STPG2: variants seen among roughly 807,000 people sequenced by gnomAD.
The protein encoded by STPG2 is sperm-tail PG-rich repeat-containing protein 2.
STPG2 carries 56 observed loss-of-function variants against 54.2 expected under a neutral mutation model. The ratio of observed to expected loss-of-function variants is 1.03; its 90% CI spans 0.83 to 1.29. The LOEUF (loss-of-function observed/expected upper bound fraction) is 1.29. Among genes scored for constraint, STPG2 ranks in the 50% most tolerant of loss-of-function variants. The pLI, the probability that STPG2 is intolerant of heterozygous loss-of-function variation, is 0.00. For missense variants in STPG2, 596 were observed against 544.9 expected, an observed-to-expected ratio of 1.09 and a Z score of -0.93; for synonymous variants, 200 against 181.8, an observed-to-expected ratio of 1.10 and a Z score of -0.81.
intron 4 of STPG2, among the ~76,000 whole-genome samples, chr4:97,455,179 A>G (rs910732714): frequency 2.0e-5 from 3 of 152,222 alleles, no homozygotes; most frequent in African/African-American, 7.2e-5. Flanking sequence ...AAGAAAATCT[A>G]GATGACGTGT....
chr4:98,120,766 T>C (rs1353462200), intron 3 of STPG2, among the ~76,000 whole-genome samples: 1 of 152,200 alleles, frequency 6.6e-6, no homozygotes, highest in Non-Finnish European at 1.5e-5. Context: ...TGTTTTTTAT[T>C]GTAAATTTGG....
intron 4 of STPG2, among the ~76,000 whole-genome samples, chr4:97,495,347 C>A (rs1422783567): frequency 6.6e-6 from 1 of 151,292 alleles, no homozygotes; most frequent in African/African-American, 2.4e-5. Context: ...TATCTAAAAA[C>A]ACAAGACATC....
intron 4 of STPG2, among the ~76,000 whole-genome samples, chr4:97,527,053 G>T (rs886473962): frequency 6.6e-6 from 1 of 151,598 alleles, no homozygotes; most frequent in African/African-American, 2.4e-5. Flanking sequence ...AGAACGTGCA[G>T]CTTTGTTATA....
intron 4 of STPG2, chr4:97,489,762 T>C (rs1311925896): frequency 3.3e-5 from 5 of 151,622 alleles, no homozygotes; most frequent in African/African-American, 4.8e-5. Flanking sequence ...AATTCTCTTA[T>C]TTCCTTCAAA....
At chr4:97,578,129 G>A (rs1442182162) in intron 10 of STPG2, among the ~76,000 whole-genome samples, 2 of 134,326 alleles carry the variant, frequency 1.5e-5, no homozygotes, top group African/African-American at 5.7e-5. Flanking sequence ...TTGAGATGGA[G>A]TCTCTTATGC....
Position 97,843,938 on chromosome 4 carries a change from A to G in STPG2, c.1045-3006T>C, listed in dbSNP as rs190277443. ...CTTGGTCTGATTTCATACAAAATTC[A>G]GAATTTGTATGAAAAGGATTCAGAA... is the stretch of plus-strand genomic sequence containing the variant. On this transcript the variant is annotated intron_variant, in intron 8 of 10. Transcript: ENST00000295268. Among the ~76,000 whole-genome samples, 665 of 151,972 alleles carry G rather than the reference A, an allele frequency of 4.4e-3. 3 individuals are homozygous for G. The highest frequency in any genetic ancestry group is 0.024 in the South Asian group (117 of 4,824).
chr4:97,454,779 AGAT>A (rs1200628996), intron 4 of STPG2, among the ~76,000 whole-genome samples: 3 of 152,042 alleles, frequency 2.0e-5, no homozygotes, highest in African/African-American at 7.2e-5. Flanking sequence ...GAAGTATCTG[AGAT>A]GATATTTATG....
intron 7 of STPG2, among the ~76,000 whole-genome samples, chr4:97,971,119 G>C (rs2865948): frequency 0.4 from 60,846 of 152,048 alleles, 12,402 homozygotes; most frequent in Middle Eastern, 0.46. Context: ...TCTCACACCA[G>C]TTAGAATGGT....
chr4:97,632,135 GGTTAAA>G (rs552484757), intron 10 of STPG2, among the ~76,000 whole-genome samples: 231 of 151,960 alleles, frequency 1.5e-3, no homozygotes, highest in African/African-American at 5.2e-3. Flanking sequence ...CTTCAAAAAA[GGTTAAA>G]GTTAAAAGTA....
At chr4:98,058,993 A>T (rs13134474) in intron 5 of STPG2, among the ~76,000 whole-genome samples, 59,496 of 151,076 alleles carry the variant, frequency 0.39, 11,945 homozygotes, top group Middle Eastern at 0.46. Context: ...AAAAAAAAAA[A>T]CAGAGCTGAA....
intron 9 of STPG2, among the ~76,000 whole-genome samples, chr4:97,822,182 A>T (rs1728115097): frequency 6.6e-6 from 1 of 152,168 alleles, no homozygotes; most frequent in Non-Finnish European, 1.5e-5. Flanking sequence ...CATTTCTTAA[A>T]TGCTTTGCTG....
In STPG2 at chr4:98,143,356, G is replaced by C. The variant is rs1740358200; in HGVS notation, c.-206C>G. ...TCCTCAAATCGATTTCTAGCTCTGT[G>C]GTAAAGTAGAGGGGTGAGCGACTAG... On this transcript the variant is annotated 5_prime_UTR_variant, in exon 1 of 11. Transcript: ENST00000295268. The C allele has an allele frequency of 1.8e-6, 1 of 562,826 alleles. No homozygotes were observed. Among genetic ancestry groups the C allele is most frequent in the Admixed American group, 3.1e-5 (1 of 32,218 alleles). 34.9% of individuals were successfully genotyped at this position (562,826 alleles called of 1,614,324 possible).
At chr4:97,636,910 G>A (rs987753692) in intron 10 of STPG2, among the ~76,000 whole-genome samples, 1 of 151,638 alleles carries the variant, frequency 6.6e-6, no homozygotes, top group Non-Finnish European at 1.5e-5. Flanking sequence ...TTCTACCAGA[G>A]GTATAAGGAG....
intron 2 of STPG2, among the ~76,000 whole-genome samples, chr4:98,129,087 C>T (rs1275001852): frequency 6.6e-6 from 1 of 152,112 alleles, no homozygotes; most frequent in East Asian, 1.9e-4. Flanking sequence ...TGTTGCTTCA[C>T]CTTTAAACCA....
intron 4 of STPG2, among the ~76,000 whole-genome samples, chr4:97,547,172 A>G (rs1356002659): frequency 6.6e-6 from 1 of 152,150 alleles, no homozygotes; most frequent in African/African-American, 2.4e-5. Flanking sequence ...TCATCATGCC[A>G]TAATAAGGAG....
At chr4:97,774,976 A>G (rs892055986) in intron 9 of STPG2, among the ~76,000 whole-genome samples, 9 of 152,322 alleles carry the variant, frequency 5.9e-5, no homozygotes, top group South Asian at 2.1e-4. Context: ...AACACAGGCA[A>G]TGGTTACACC....
At chr4:98,007,960 A>G (rs996135074) in intron 5 of STPG2, among the ~76,000 whole-genome samples, 6 of 152,140 alleles carry the variant, frequency 3.9e-5, no homozygotes, top group African/African-American at 7.2e-5. Context: ...GACTAAATAA[A>G]GTGTCTAAAC....
At chr4:97,495,200 T>C (rs1237112277) in intron 4 of STPG2, among the ~76,000 whole-genome samples, 1 of 151,532 alleles carries the variant, frequency 6.6e-6, no homozygotes, top group African/African-American at 2.4e-5. Flanking sequence ...CATAGAATAT[T>C]TCTTATTCTG....
intron 8 of STPG2, among the ~76,000 whole-genome samples, chr4:97,848,116 C>T (rs968729434): frequency 6.6e-6 from 1 of 152,160 alleles, no homozygotes; most frequent in African/African-American, 2.4e-5. Flanking sequence ...AGGAAACTCT[C>T]CTTGGCATCC....
Sources: allele counts gnomAD v4.1 joint callset (sites outside exome capture counted in the v4.1 genomes callset), GRCh38; gene constraint gnomAD v4.1.1; transcripts MANE v1.5; gene names NCBI Gene and HGNC (gene_info 2026-07-23, HGNC 2026-07-21).